ERBB4: variants seen among roughly 807,000 people sequenced by gnomAD.
ERBB4 encodes the protein erb-b2 receptor tyrosine kinase 4.
Under a neutral mutation model 158.0 loss-of-function variants are expected in ERBB4, and 42 were observed. That is an observed-to-expected ratio of 0.27 (90% CI 0.21 to 0.34). The LOEUF (loss-of-function observed/expected upper bound fraction) is 0.34, where lower values mean the gene tolerates loss of function less well. Among genes scored for constraint, ERBB4 ranks in the 10% least tolerant of loss-of-function variants. The pLI is 1.00. For synonymous variants in ERBB4, 583 were observed against 558.7 expected (o/e 1.04, Z -0.61); for missense variants, 1,333 against 1,624.1 (o/e 0.82, Z 3.08).
At chr2:212,115,333 CT>C (rs902816248) in intron 2 of ERBB4, among the ~76,000 whole-genome samples, 9 of 151,056 alleles carry the variant, frequency 6.0e-5, no homozygotes, top group Admixed American at 2.6e-4. Context: ...TTAAATCTGT[CT>C]TTTTTTTGAA....
intron 3 of ERBB4, among the ~76,000 whole-genome samples, chr2:211,928,818 T>C (rs756191417): frequency 6.6e-6 from 1 of 152,180 alleles, no homozygotes; most frequent in Non-Finnish European, 1.5e-5. Flanking sequence ...TAGCTTTCTA[T>C]GGCATATTGA....
intron 2 of ERBB4, among the ~76,000 whole-genome samples, chr2:211,956,236 A>G (rs2125162294): frequency 6.6e-6 from 1 of 152,284 alleles, no homozygotes; most frequent in South Asian, 2.1e-4. Context: ...TTTAACTGAA[A>G]TTAGATACAA....
chr2:212,300,722 C>T (rs1289448370), intron 1 of ERBB4, among the ~76,000 whole-genome samples: 1 of 151,440 alleles, frequency 6.6e-6, no homozygotes, highest in Admixed American at 6.6e-5. Context: ...GGTGATAGAA[C>T]TACCTCGATT....
At chr2:212,300,365 CA>C (rs1164069673) in intron 1 of ERBB4, among the ~76,000 whole-genome samples, 1 of 151,540 alleles carries the variant, frequency 6.6e-6, no homozygotes, top group African/African-American at 2.4e-5. Context: ...CCAATCTAAG[CA>C]GTCAAATATA....
chr2:211,587,640 A>AG (rs2068326343), intron 19 of ERBB4, among the ~76,000 whole-genome samples: 1 of 152,024 alleles, frequency 6.6e-6, no homozygotes, highest in African/African-American at 2.4e-5. Context: ...TGTCATTTTA[A>AG]GGGAAAAAAA....
At chr2:211,657,574 A>T in intron 16 of ERBB4, 180 bp downstream of exon 16, 1 of 638,866 alleles carries the variant, frequency 1.6e-6, no homozygotes. Context: ...TGAATGAAGG[A>T]AAAAGAAGTA....
intron 20 of ERBB4, among the ~76,000 whole-genome samples, chr2:211,542,903 G>A (rs187368850): frequency 2.0e-5 from 3 of 151,938 alleles, no homozygotes; most frequent in South Asian, 2.1e-4. Flanking sequence ...TTTTAGATTC[G>A]TTCAATCCCA....
At chr2:211,981,604 C>T (rs1420918125) in intron 2 of ERBB4, among the ~76,000 whole-genome samples, 1 of 152,158 alleles carries the variant, frequency 6.6e-6, no homozygotes. Flanking sequence ...TTGTTCCTGC[C>T]CATTCCTCAG....
chr2:211,675,917 T>C (rs1417217280), intron 13 of ERBB4, among the ~76,000 whole-genome samples: 1 of 151,218 alleles, frequency 6.6e-6, no homozygotes, highest in African/African-American at 2.4e-5. Context: ...CTCAGATAAA[T>C]AGACGAAAAA....
intron 20 of ERBB4, among the ~76,000 whole-genome samples, chr2:211,524,412 G>C (rs887539910): frequency 2.0e-5 from 3 of 151,356 alleles, no homozygotes; most frequent in Admixed American, 6.5e-5. Flanking sequence ...ATGGGACTGG[G>C]TGCCGTGGAG....
At chr2:212,066,156 G>C (rs1376492875) in intron 2 of ERBB4, among the ~76,000 whole-genome samples, 1 of 151,842 alleles carries the variant, frequency 6.6e-6, no homozygotes, top group African/African-American at 2.4e-5. Context: ...CTTACTCTGG[G>C]ATGTGGAGCA....
At chr2:212,471,711 A>G (rs1689126762) in intron 1 of ERBB4, among the ~76,000 whole-genome samples, 1 of 151,952 alleles carries the variant, frequency 6.6e-6, no homozygotes, top group Admixed American at 6.6e-5. Flanking sequence ...TAGTTCTGGA[A>G]CAAAAATCAT....
chr2:212,260,737 C>G (rs1174949080), intron 1 of ERBB4, among the ~76,000 whole-genome samples: 1 of 151,810 alleles, frequency 6.6e-6, no homozygotes, highest in East Asian at 1.9e-4. Flanking sequence ...TGTTTAAACC[C>G]AGGAGACGGA....
chr2:211,663,965 T>C (rs1305783927), intron 15 of ERBB4, among the ~76,000 whole-genome samples: 1 of 152,130 alleles, frequency 6.6e-6, no homozygotes, highest in Non-Finnish European at 1.5e-5. Context: ...TTATTACCTC[T>C]AGTTTCCTTG....
At chr2:211,749,537 AT>A (rs2075067807) in intron 5 of ERBB4, among the ~76,000 whole-genome samples, 1 of 152,216 alleles carries the variant, frequency 6.6e-6, no homozygotes, top group African/African-American at 2.4e-5. Flanking sequence ...ATTTTACCTT[AT>A]AATCTTTTCC....
intron 1 of ERBB4, among the ~76,000 whole-genome samples, chr2:212,233,852 G>T (rs190782566): frequency 1.4e-4 from 21 of 151,920 alleles, no homozygotes; most frequent in Non-Finnish European, 3.1e-4. Flanking sequence ...TTATTTGGGA[G>T]TTTGCTTCTT....
rs1006722339 is a variant in ERBB4, at chr2:211,456,582, T to C, written c.2488-25482A>G. On this transcript the variant is annotated intron_variant, in intron 20 of 27. Coordinates refer to ENST00000342788, the MANE Select transcript of ERBB4 (RefSeq NM_005235.3). ...TATTAAATATATATACATATATACG[T>C]ATGCAAAATTTATATAAATATATGC... is the stretch of plus-strand genomic sequence containing the variant. Among the ~76,000 whole-genome samples, 7 of 152,284 alleles carry C rather than the reference T, an allele frequency of 4.6e-5. 1 individual carries two copies. Among genetic ancestry groups the C allele is most frequent in the African/African-American group, 1.7e-4 (7 of 41,568 alleles).
intron 2 of ERBB4, among the ~76,000 whole-genome samples, chr2:212,062,348 G>A (rs1448918109): frequency 6.9e-6 from 1 of 145,274 alleles, no homozygotes; most frequent in Admixed American, 6.9e-5. Flanking sequence ...GCTGACTGCA[G>A]TCTCACTCCA....
At chr2:211,998,240 C>G (rs2125272666) in intron 2 of ERBB4, among the ~76,000 whole-genome samples, 1 of 151,706 alleles carries the variant, frequency 6.6e-6, no homozygotes, top group East Asian at 1.9e-4. Flanking sequence ...TATTCTGACT[C>G]CCTGCTTATC....
Sources: allele counts gnomAD v4.1 joint callset (sites outside exome capture counted in the v4.1 genomes callset), GRCh38; gene constraint gnomAD v4.1.1; transcripts MANE v1.5; gene names NCBI Gene and HGNC (gene_info 2026-07-23, HGNC 2026-07-21).